Variants in CNTNAP2 observed in about 807,000 individuals in gnomAD.
CNTNAP2 encodes the protein contactin-associated protein-like 2.
A neutral mutation model predicts 155.2 loss-of-function variants in CNTNAP2; 98 were observed. The ratio of observed to expected loss-of-function variants is 0.63; its 90% CI spans 0.54 to 0.75. The LOEUF (loss-of-function observed/expected upper bound fraction) is 0.75, where lower values mean the gene tolerates loss of function less well. CNTNAP2 is among the 30% of genes least tolerant of loss of function. CNTNAP2 has a pLI of 0.00. For missense variants in CNTNAP2, 1,727 were observed against 1,688.1 expected (o/e 1.02, Z -0.40); for synonymous variants, 651 against 631.2 (o/e 1.03, Z -0.47).
In CNTNAP2 at chr7:146,334,084, T is replaced by G. The variant is rs1429337608; in HGVS notation, c.97+217111T>G. Reference sequence around the variant, plus strand: ...ATTTGAGATTCAGAGATCGGCAAAATAAACTCAGTAGGCAAGAGGCATAGA... The same window carrying G: ...ATTTGAGATTCAGAGATCGGCAAAAGAAACTCAGTAGGCAAGAGGCATAGA... On this transcript the variant is annotated intron_variant, in intron 1 of 23. Transcript: ENST00000361727. 2.0e-5 allele frequency among the ~76,000 whole-genome samples: 3 copies of G among 152,044 alleles called. No homozygotes were observed. In the East Asian group the frequency reaches 5.8e-4, roughly 29 times the overall value.
chr7:147,107,470 T>C (rs1322602212), intron 4 of CNTNAP2, among the ~76,000 whole-genome samples: 2 of 152,166 alleles, frequency 1.3e-5, no homozygotes, highest in African/African-American at 4.8e-5. Context: ...TAAGTGAAGA[T>C]ATCTGTGTCC....
At chr7:148,134,986 T>A (rs1347994059) in intron 16 of CNTNAP2, among the ~76,000 whole-genome samples, 1 of 152,178 alleles carries the variant, frequency 6.6e-6, no homozygotes, top group Non-Finnish European at 1.5e-5. Flanking sequence ...CCTACTTTTT[T>A]ATGTAATAAT....
intron 13 of CNTNAP2, among the ~76,000 whole-genome samples, chr7:147,811,766 T>A (rs1231549758): frequency 2.0e-5 from 3 of 152,184 alleles, no homozygotes; most frequent in Non-Finnish European, 4.4e-5. Flanking sequence ...AGATTATATT[T>A]GTATGCTTTT....
intron 13 of CNTNAP2, among the ~76,000 whole-genome samples, chr7:147,853,563 A>G (rs1382021690): frequency 1.3e-5 from 2 of 152,186 alleles, no homozygotes; most frequent in African/African-American, 4.8e-5. Flanking sequence ...TCGATTATAT[A>G]TGTTATTTCT....
At chr7:146,605,057 TA>T (rs1010655315) in intron 1 of CNTNAP2, among the ~76,000 whole-genome samples, 1 of 138,090 alleles carries the variant, frequency 7.2e-6, no homozygotes, top group Admixed American at 7.3e-5. Context: ...ACATGTACCC[TA>T]AAACTTAAAG....
intron 8 of CNTNAP2, among the ~76,000 whole-genome samples, chr7:147,205,148 G>C (rs148602209): frequency 6.6e-6 from 1 of 152,118 alleles, no homozygotes; most frequent in Non-Finnish European, 1.5e-5. Flanking sequence ...TGAATGAATT[G>C]GATAGTGATA....
intron 15 of CNTNAP2, among the ~76,000 whole-genome samples, chr7:148,077,630 CT>C (rs35440265): frequency 2.0e-5 from 3 of 152,072 alleles, no homozygotes; most frequent in African/African-American, 7.2e-5. Flanking sequence ...GAAAATCTTT[CT>C]TTTTTTCGGA....
intron 1 of CNTNAP2, among the ~76,000 whole-genome samples, chr7:146,575,560 A>G (rs1584989111): frequency 6.6e-6 from 1 of 152,184 alleles, no homozygotes; most frequent in South Asian, 2.1e-4. Context: ...TCCCATTTAA[A>G]CTTGTCTATT....
chr7:147,006,398 G>A (rs1001382740), intron 3 of CNTNAP2, among the ~76,000 whole-genome samples: 2 of 151,932 alleles, frequency 1.3e-5, no homozygotes, highest in Admixed American at 6.6e-5. Flanking sequence ...CTTTATACAT[G>A]TAAATTTATT....
intron 4 of CNTNAP2, among the ~76,000 whole-genome samples, chr7:147,077,627 T>C (rs539495024): frequency 2.0e-5 from 3 of 152,334 alleles, no homozygotes; most frequent in African/African-American, 7.2e-5. Flanking sequence ...ACCATCTAGC[T>C]ACACAGCCCA....
chr7:148,415,356 A>T lies in CNTNAP2; in HGVS notation c.3797-61A>T, dbSNP rs55997413. 0.32 allele frequency: 500,105 copies of T among 1,556,162 alleles called. 84,802 individuals carry two copies. The highest frequency in any genetic ancestry group is 0.35 in the Non-Finnish European group (402,442 of 1,138,534). ...CTGACGGAGCTGTAGTGAAGTGGGGACAGTGTTGGAGGGACTCCCAAGCCC... is the reference window on the plus strand; with the variant it reads ...CTGACGGAGCTGTAGTGAAGTGGGGTCAGTGTTGGAGGGACTCCCAAGCCC... On this transcript the variant is annotated intron_variant, in intron 23 of 23. Coordinates refer to ENST00000361727, the MANE Select transcript of CNTNAP2 (RefSeq NM_014141.6).
At chr7:146,338,180 T>C (rs1355724239) in intron 1 of CNTNAP2, among the ~76,000 whole-genome samples, 1 of 152,142 alleles carries the variant, frequency 6.6e-6, no homozygotes, top group African/African-American at 2.4e-5. Context: ...TACAGATACC[T>C]GTCCAAAGTA....
chr7:146,972,175 G>A (rs918804763), intron 3 of CNTNAP2, among the ~76,000 whole-genome samples: 8 of 152,040 alleles, frequency 5.3e-5, no homozygotes, highest in African/African-American at 1.2e-4. Context: ...TTAGCACACA[G>A]CATATTTAAA....
At chr7:147,833,318 C>T (rs1044073978) in intron 13 of CNTNAP2, among the ~76,000 whole-genome samples, 5 of 152,016 alleles carry the variant, frequency 3.3e-5, no homozygotes, top group Non-Finnish European at 5.9e-5. Context: ...TAAGGAGCTG[C>T]GTGATCTTGA....
At chr7:146,243,814 G>A (rs561674907) in intron 1 of CNTNAP2, among the ~76,000 whole-genome samples, 1 of 152,088 alleles carries the variant, frequency 6.6e-6, no homozygotes, top group South Asian at 2.1e-4. Context: ...ACTTGTGATT[G>A]TAAGTTCCTG....
intron 14 of CNTNAP2, among the ~76,000 whole-genome samples, chr7:147,970,987 A>G (rs911254209): frequency 6.6e-6 from 1 of 152,224 alleles, no homozygotes; most frequent in Non-Finnish European, 1.5e-5. Context: ...TGAGGAAAAC[A>G]GACAAATCAT....
At chr7:147,578,642 A>G (rs879394940) in intron 12 of CNTNAP2, among the ~76,000 whole-genome samples, 1 of 152,162 alleles carries the variant, frequency 6.6e-6, no homozygotes, top group African/African-American at 2.4e-5. Context: ...ATGTTGCTTT[A>G]AATGATATAT....
chr7:147,572,408 C>G (rs187865305), intron 12 of CNTNAP2, among the ~76,000 whole-genome samples: 1 of 152,120 alleles, frequency 6.6e-6, no homozygotes, highest in Admixed American at 6.5e-5. Flanking sequence ...GATGAAGTGG[C>G]TTTAGGTATA....
At chr7:146,120,575 A>G (rs1191543159) in intron 1 of CNTNAP2, among the ~76,000 whole-genome samples, 5 of 152,206 alleles carry the variant, frequency 3.3e-5, no homozygotes, top group African/African-American at 1.2e-4. Flanking sequence ...GGTGCATATC[A>G]TATTTTAAAT....
Sources: allele counts gnomAD v4.1 joint callset (sites outside exome capture counted in the v4.1 genomes callset), GRCh38; gene constraint gnomAD v4.1.1; transcripts MANE v1.5; gene names NCBI Gene and HGNC (gene_info 2026-07-23, HGNC 2026-07-21).